The following CRLF3 variants were observed in gnomAD, a reference collection of about 807,000 sequenced individuals.
CRLF3 encodes cytokine receptor like factor 3.
A neutral mutation model predicts 55.0 loss-of-function variants in CRLF3; 33 were observed. That is an observed-to-expected ratio of 0.60 (90% CI 0.46 to 0.80). The LOEUF (loss-of-function observed/expected upper bound fraction) is 0.80. CRLF3 is among the 30% of genes least tolerant of loss of function. The pLI is 0.00. For synonymous variants in CRLF3, 238 were observed against 196.8 expected (o/e 1.21, Z -1.75); for missense variants, 494 against 538.4 (o/e 0.92, Z 0.82).
At chr17:30,784,723 A>G (rs1455009916) in intron 7 of CRLF3, 1 of 295,644 alleles carries the variant, frequency 3.4e-6, no homozygotes. Flanking sequence ...ACAAGAAAGA[A>G]TCTTGTTCTA....
At chr17:30,793,804 G>C in intron 4 of CRLF3, 132 bp from the exon 5 acceptor site, 1 of 621,020 alleles carries the variant, frequency 1.6e-6, no homozygotes, top group Non-Finnish European at 2.8e-6. Flanking sequence ...GGTATTCTTG[G>C]GAAGGCCATA....
At chr17:30,788,338 A>AAG (rs1491427647) in intron 6 of CRLF3, among the ~76,000 whole-genome samples, 1 of 129,658 alleles carries the variant, frequency 7.7e-6, no homozygotes, top group African/African-American at 3.3e-5. Context: ...AAAAAAAAAA[A>AAG]GAAAAGAAAA....
intron 1 of CRLF3, 141 bp downstream of exon 1, chr17:30,824,382 A>G (rs1905079826): frequency 1.6e-6 from 1 of 642,970 alleles, no homozygotes; most frequent in Admixed American, 5.7e-5. Flanking sequence ...CCCAGACTCC[A>G]TTAGGTCTCC....
chr17:30,788,271 T>A (rs548732571), intron 6 of CRLF3, among the ~76,000 whole-genome samples: 1 of 148,582 alleles, frequency 6.7e-6, no homozygotes, highest in South Asian at 2.1e-4. Flanking sequence ...GAGGTTGCAG[T>A]GAGCCGATTG....
intron 5 of CRLF3, chr17:30,792,885 G>C: frequency 1.1e-4 from 1 of 9,346 alleles, no homozygotes; most frequent in East Asian, 1.1e-3. Flanking sequence ...GGCCAGGCGC[G>C]GTGGCTCACG....
At chr17:30,804,187 A>C in intron 1 of CRLF3, 79 bp from the exon 2 acceptor site, 3 of 928,550 alleles carry the variant, frequency 3.2e-6, no homozygotes. Context: ...CATGAATCTA[A>C]AAGCACTGTA....
chr17:30,800,712 C>T (rs1028996489), intron 2 of CRLF3, among the ~76,000 whole-genome samples: 2 of 150,996 alleles, frequency 1.3e-5, no homozygotes, highest in Non-Finnish European at 2.9e-5. Context: ...ATAGCTCAAG[C>T]TCTCCCACCT....
chr17:30,785,887 T>G, intron 7 of CRLF3, 32 bp downstream of exon 7: 1 of 1,125,776 alleles, frequency 8.9e-7, no homozygotes, highest in Non-Finnish European at 1.3e-6. Flanking sequence ...ATTAATATAT[T>G]TCCAAGAGAA....
At position 30,804,058 on chromosome 17, in the gene CRLF3, A is replaced by C. The variant is rs1177100778; in HGVS notation, c.180T>G (p.Asn60Lys). Residue 60 changes from asparagine to lysine, a missense_variant, in exon 2 of 8, where the codon AAT (asparagine) becomes AAG (lysine). Physicochemically the swap from Asn to Lys is moderately conservative, Grantham distance 94. Transcript: ENST00000324238. The part of the protein sequence containing the change: ...QTRDVLKQHF[N>K]DLKGTLGKLL... Reference sequence around the variant, plus strand: ...GCTTTCCAAGGGTTCCCTTTAAATCATTAAAATGCTGTTTGAGAACATCCC... The same window carrying C: ...GCTTTCCAAGGGTTCCCTTTAAATCCTTAAAATGCTGTTTGAGAACATCCC... 3 of 1,613,876 alleles carry C rather than the reference A, an allele frequency of 1.9e-6. No individual in the cohort carries two copies. Among genetic ancestry groups the C allele is most frequent in the African/African-American group, 1.3e-5 (1 of 74,920 alleles).
At chr17:30,788,338 A>G (rs1432707885) in intron 6 of CRLF3, among the ~76,000 whole-genome samples, 1 of 129,656 alleles carries the variant, frequency 7.7e-6, no homozygotes, top group Non-Finnish European at 1.6e-5. Flanking sequence ...AAAAAAAAAA[A>G]GAAAAGAAAA....
intron 1 of CRLF3, among the ~76,000 whole-genome samples, chr17:30,823,474 C>CACT (rs1157281208): frequency 6.6e-5 from 10 of 151,338 alleles, no homozygotes; most frequent in Non-Finnish European, 1.3e-4. Context: ...TATCCAAAGA[C>CACT]ACTGTTAGCA....
intron 6 of CRLF3, among the ~76,000 whole-genome samples, chr17:30,789,234 A>T (rs534919074): frequency 6.6e-6 from 1 of 152,228 alleles, no homozygotes; most frequent in African/African-American, 2.4e-5. Context: ...GAGATGCAAG[A>T]GAGACTCAAC....
At chr17:30,824,304 C>T (rs1905076137) in intron 1 of CRLF3, among the ~76,000 whole-genome samples, 1 of 151,898 alleles carries the variant, frequency 6.6e-6, no homozygotes, top group Non-Finnish European at 1.5e-5. Flanking sequence ...TTAGTGAACG[C>T]TCCTCACACC....
chr17:30,800,472 A>G (rs1030827609), intron 2 of CRLF3, among the ~76,000 whole-genome samples: 2 of 152,024 alleles, frequency 1.3e-5, no homozygotes, highest in Admixed American at 1.3e-4. Context: ...AAACAGCACC[A>G]CTATTTATTC....
At chr17:30,802,353 C>T (rs1007768738) in intron 2 of CRLF3, among the ~76,000 whole-genome samples, 1 of 152,138 alleles carries the variant, frequency 6.6e-6, no homozygotes, top group African/African-American at 2.4e-5. Context: ...ATCTCCTGAC[C>T]TGATGATCCG....
At chr17:30,786,621 A>C (rs1381614278) in intron 6 of CRLF3, 1 of 152,170 alleles carries the variant, frequency 6.6e-6, no homozygotes, top group East Asian at 1.9e-4. Context: ...TAGCTAAATA[A>C]CCTGATCCCG....
At chr17:30,823,327 T>C (rs1485737734) in intron 1 of CRLF3, among the ~76,000 whole-genome samples, 2 of 151,846 alleles carry the variant, frequency 1.3e-5, no homozygotes, top group East Asian at 3.9e-4. Flanking sequence ...ATAGTGCCAC[T>C]GCACTCCACC....
chr17:30,817,317 A>G (rs1041785519), intron 1 of CRLF3, among the ~76,000 whole-genome samples: 2 of 152,092 alleles, frequency 1.3e-5, no homozygotes, highest in Non-Finnish European at 2.9e-5. Flanking sequence ...ATGCGCCTAT[A>G]ATCCCAGCTA....
intron 1 of CRLF3, among the ~76,000 whole-genome samples, chr17:30,818,365 A>G (rs554624170): frequency 8.3e-4 from 127 of 152,302 alleles, no homozygotes; most frequent in African/African-American, 2.8e-3. Context: ...ACTGTAACAA[A>G]TTATACACAG....
Sources: gnomAD v4.1 joint callset for allele counts (sites outside exome capture counted in the v4.1 genomes callset) on GRCh38, gnomAD v4.1.1 for gene constraint, MANE v1.5 for transcripts, NCBI Gene and HGNC (gene_info 2026-07-23, HGNC 2026-07-21) for gene names.